SAMMSON: variants seen among roughly 807,000 people sequenced by gnomAD.
SAMMSON encodes the protein long intergenic non-protein coding RNA 1212.
chr3:70,258,510 C>A (rs1701838058), intron 6 of SAMMSON, among the ~76,000 whole-genome samples: 1 of 152,146 alleles, frequency 6.6e-6, no homozygotes, highest in South Asian at 2.1e-4. Context: ...TCTAGACTAT[C>A]CAGTCACATG....
chr3:70,250,225 T>G (rs1701748017), intron 6 of SAMMSON, among the ~76,000 whole-genome samples: 1 of 152,174 alleles, frequency 6.6e-6, no homozygotes, highest in African/African-American at 2.4e-5. Context: ...GCCTCTTAAT[T>G]CTTCTCATCT....
At chr3:70,294,877 C>CT (rs1559556746) in intron 7 of SAMMSON, among the ~76,000 whole-genome samples, 1 of 152,060 alleles carries the variant, frequency 6.6e-6, no homozygotes, top group Non-Finnish European at 1.5e-5. Context: ...AGGAGACTAT[C>CT]TTTTTTTGTG....
At chr3:70,095,176 G>A (rs772080251) in intron 4 of SAMMSON, among the ~76,000 whole-genome samples, 2 of 152,108 alleles carry the variant, frequency 1.3e-5, no homozygotes, top group Non-Finnish European at 2.9e-5. Context: ...TTAGGTCTAC[G>A]TGCCAGTAGA....
At chr3:70,335,615 A>G (rs566949541) in intron 7 of SAMMSON, among the ~76,000 whole-genome samples, 3 of 152,020 alleles carry the variant, frequency 2.0e-5, no homozygotes, top group Admixed American at 6.6e-5. Context: ...TGTGAGTGCC[A>G]TTGATATACT....
At chr3:70,429,951 A>G (rs950048510) in intron 2 of SAMMSON, among the ~76,000 whole-genome samples, 8 of 152,040 alleles carry the variant, frequency 5.3e-5, no homozygotes, top group Non-Finnish European at 1.0e-4. Context: ...ATTTGAATAC[A>G]CTTTATTTGT....
At chr3:70,304,865 T>G (rs1230052562) in intron 7 of SAMMSON, among the ~76,000 whole-genome samples, 1 of 152,196 alleles carries the variant, frequency 6.6e-6, no homozygotes, top group Non-Finnish European at 1.5e-5. Flanking sequence ...TATTTCCAAT[T>G]TAAGCACCTT....
chr3:70,092,454 T>TC, intron 4 of SAMMSON, among the ~76,000 whole-genome samples: 1 of 151,756 alleles, frequency 6.6e-6, no homozygotes, highest in South Asian at 2.1e-4. Context: ...GCTGTTTTTT[T>TC]TTTTTATAAA....
chr3:70,305,008 G>T (rs1702386298), intron 7 of SAMMSON, among the ~76,000 whole-genome samples: 1 of 151,850 alleles, frequency 6.6e-6, no homozygotes, highest in Admixed American at 6.6e-5. Flanking sequence ...GATTTTTGCA[G>T]CACTGGCTCA....
chr3:70,177,887 G>T (rs1341053929), intron 4 of SAMMSON, among the ~76,000 whole-genome samples: 1 of 152,168 alleles, frequency 6.6e-6, no homozygotes, highest in Admixed American at 6.5e-5. Context: ...TCATGATATA[G>T]TTTAAAAATT....
chr3:70,421,425 A>G (rs1701312755), intron 2 of SAMMSON, among the ~76,000 whole-genome samples: 2 of 152,286 alleles, frequency 1.3e-5, no homozygotes. Flanking sequence ...CAATTGATAT[A>G]GAAAAGCTAG....
At chr3:70,031,044 T>A (rs1043594384) in intron 3 of SAMMSON, among the ~76,000 whole-genome samples, 1 of 152,120 alleles carries the variant, frequency 6.6e-6, no homozygotes, top group African/African-American at 2.4e-5. Flanking sequence ...CACTCCTAGG[T>A]ACATACCCAA....
chr3:70,191,983 A>G (rs1252068839), intron 4 of SAMMSON, among the ~76,000 whole-genome samples: 1 of 97,936 alleles, frequency 1.0e-5, no homozygotes, highest in Admixed American at 1.0e-4. Context: ...TCTATATGAT[A>G]TTTTTTCTCA....
At chr3:70,164,747 A>G (rs2067630269) in intron 4 of SAMMSON, among the ~76,000 whole-genome samples, 2 of 152,176 alleles carry the variant, frequency 1.3e-5, no homozygotes, top group Admixed American at 6.6e-5. Flanking sequence ...ACCTACCACA[A>G]AGAATTAAGT....
At chr3:70,215,006 C>A (rs968135097) in intron 4 of SAMMSON, among the ~76,000 whole-genome samples, 5 of 152,050 alleles carry the variant, frequency 3.3e-5, no homozygotes, top group Non-Finnish European at 7.4e-5. Flanking sequence ...ATTACATATA[C>A]AGTCAATTTT....
chr3:70,015,815 T>C (rs2107578861), intron 3 of SAMMSON, among the ~76,000 whole-genome samples: 1 of 152,296 alleles, frequency 6.6e-6, no homozygotes, highest in East Asian at 1.9e-4. Context: ...CATGTGGTGT[T>C]TGCTTTTTTG....
intron 4 of SAMMSON, among the ~76,000 whole-genome samples, chr3:70,158,341 A>T (rs1300434530): frequency 1.3e-5 from 2 of 152,118 alleles, no homozygotes. Flanking sequence ...TTCACTGAGC[A>T]TAATGTTTTT....
At chr3:70,266,223 A>C (rs1701915957) in intron 6 of SAMMSON, among the ~76,000 whole-genome samples, 1 of 152,042 alleles carries the variant, frequency 6.6e-6, no homozygotes, top group South Asian at 2.1e-4. Flanking sequence ...ACTTATTTTC[A>C]GCTTTGTATT....
At chr3:70,004,617 G>C (rs1366009195) in intron 1 of SAMMSON, among the ~76,000 whole-genome samples, 2 of 151,996 alleles carry the variant, frequency 1.3e-5, no homozygotes, top group Non-Finnish European at 2.9e-5. Flanking sequence ...ACCTAAACCA[G>C]CTTACAACAT....
In SAMMSON at chr3:70,319,220, G is replaced by C. The variant is rs531233099; in HGVS notation, n.739+27977G>C. On this transcript the variant is annotated intron_variant and non_coding_transcript_variant, in intron 7 of 9. Transcript: ENST00000642114. ...AACAACCCAAACTCTTGTCTTTGCT[G>C]CCTTAGCTCAGCAAGTCTGCCACTA... Among the ~76,000 whole-genome samples, 3 of 152,098 alleles carry C rather than the reference G, an allele frequency of 2.0e-5. No individual in the cohort carries two copies. The South Asian group carries it at 6.2e-4, about 32-fold the overall frequency.
Sources: allele counts gnomAD v4.1 joint callset (sites outside exome capture counted in the v4.1 genomes callset), GRCh38; gene constraint gnomAD v4.1.1; transcripts MANE v1.5; gene names NCBI Gene and HGNC (gene_info 2026-07-23, HGNC 2026-07-21).